The following CERS3 variants were observed in gnomAD, a reference collection of about 807,000 sequenced individuals.
CERS3 encodes ceramide synthase 3, also known as LAG1 homolog, ceramide synthase 3.
Under a neutral mutation model 50.3 loss-of-function variants are expected in CERS3, and 33 were observed. That is an observed-to-expected ratio of 0.66 (90% CI 0.50 to 0.88). CERS3 has a LOEUF of 0.88. Ranked by LOEUF, CERS3 falls within the 40% of genes least tolerant of loss-of-function variation. The pLI, the probability that CERS3 is intolerant of heterozygous loss-of-function variation, is 0.00. For synonymous variants in CERS3, 176 were observed against 155.2 expected, an observed-to-expected ratio of 1.13 and a Z score of -0.99; for missense variants, 470 against 460.3, an observed-to-expected ratio of 1.02 and a Z score of -0.19.
At chr15:100,529,220 T>A (rs2036879779), upstream of CERS3, 1 of 152,236 alleles carries the variant, frequency 6.6e-6, no homozygotes, top group Non-Finnish European at 1.5e-5. Context: ...GGAAAGGGCT[T>A]ATGCGCAGAG....
chr15:100,421,312 A>T (rs527742959), intron 11 of CERS3, among the ~76,000 whole-genome samples: 113 of 150,048 alleles, frequency 7.5e-4, no homozygotes, highest in Non-Finnish European at 1.3e-3. Context: ...GAGCCAAATC[A>T]TGAGTGAACT....
intron 1 of CERS3, among the ~76,000 whole-genome samples, chr15:100,526,250 T>C (rs2142398927): frequency 6.6e-6 from 1 of 152,386 alleles, no homozygotes; most frequent in South Asian, 2.1e-4. Context: ...GGTCAATCTT[T>C]GCATCGCATC....
chr15:100,444,219 C>G (rs1190855545), intron 11 of CERS3, among the ~76,000 whole-genome samples: 3 of 152,190 alleles, frequency 2.0e-5, no homozygotes, highest in Non-Finnish European at 4.4e-5. Context: ...TCACTCTCTA[C>G]AGCTCTCATA....
chr15:100,489,892 G>A (rs1187739037), intron 4 of CERS3, among the ~76,000 whole-genome samples: 1 of 152,194 alleles, frequency 6.6e-6, no homozygotes, highest in Non-Finnish European at 1.5e-5. Context: ...ACGCGAGGTG[G>A]TCAAACCTCA....
chr15:100,496,908 C>A (rs1261908654), intron 3 of CERS3, among the ~76,000 whole-genome samples: 1 of 152,108 alleles, frequency 6.6e-6, no homozygotes, highest in Non-Finnish European at 1.5e-5. Context: ...AAATGTATGT[C>A]AGTCCAACTT....
At chr15:100,507,093 A>G (rs73473886) in intron 2 of CERS3, among the ~76,000 whole-genome samples, 60 of 152,252 alleles carry the variant, frequency 3.9e-4, no homozygotes, top group African/African-American at 1.4e-3. Context: ...TTACCTCCCA[A>G]ATTCTCCTGA....
At chr15:100,423,473 A>G (rs916997637) in intron 11 of CERS3, among the ~76,000 whole-genome samples, 1 of 152,206 alleles carries the variant, frequency 6.6e-6, no homozygotes, top group Non-Finnish European at 1.5e-5. Context: ...TTGGAACAAC[A>G]TGGATGCAGC....
intron 10 of CERS3, among the ~76,000 whole-genome samples, chr15:100,466,668 C>T (rs2034727231): frequency 6.6e-6 from 1 of 151,978 alleles, no homozygotes; most frequent in South Asian, 2.1e-4. Flanking sequence ...GCGGACAGCC[C>T]CCAGCTGAAG....
At position 100,480,087 on chromosome 15, in the gene CERS3, A is replaced by T. The variant is rs2035252911; in HGVS notation, c.408-41T>A. 4.1e-6 allele frequency: 6 copies of T among 1,448,888 alleles called. No homozygotes were observed. In the East Asian group the frequency reaches 1.4e-4, roughly 33 times the overall value. The allele number at this position is 1,448,888 out of a possible 1,614,324, so 89.8% of individuals were successfully genotyped here. On this transcript the variant is annotated intron_variant, in intron 5 of 11. Transcript: ENST00000679737. ...AAAATCTTTACTCCCTTGTAAAGGT[A>T]ACTGAGATTTGAGGAGAAAATGATT...
intron 10 of CERS3, among the ~76,000 whole-genome samples, chr15:100,467,837 G>GTGTATATA (rs1320355108): frequency 8.3e-4 from 47 of 56,386 alleles, no homozygotes; most frequent in African/African-American, 2.4e-3. Flanking sequence ...ATATATACGT[G>GTGTATATA]TATATATATA....
At chr15:100,443,986 A>C (rs972380580) in intron 11 of CERS3, among the ~76,000 whole-genome samples, 2 of 152,092 alleles carry the variant, frequency 1.3e-5, no homozygotes, top group African/African-American at 4.8e-5. Context: ...GACTGCCCCC[A>C]TTCTAGCTCT....
upstream of CERS3, among the ~76,000 whole-genome samples, chr15:100,532,047 G>A (rs937824209): frequency 1.3e-5 from 2 of 150,592 alleles, no homozygotes; most frequent in Non-Finnish European, 3.0e-5. Flanking sequence ...GTTCTGGAGA[G>A]CCACTTAGGA....
intron 3 of CERS3, among the ~76,000 whole-genome samples, chr15:100,494,541 C>T (rs898679130): frequency 6.6e-6 from 1 of 152,100 alleles, no homozygotes; most frequent in African/African-American, 2.4e-5. Context: ...GGCTTAGTCA[C>T]CTTTTTTGAA....
intron 11 of CERS3, among the ~76,000 whole-genome samples, chr15:100,444,834 C>T (rs10794480): frequency 0.95 from 145,024 of 152,202 alleles, 69,497 homozygotes; most frequent in East Asian, 1. Context: ...AAGAAGGCCA[C>T]CATGGTCATT....
chr15:100,486,538 C>A (rs919936196), intron 4 of CERS3, among the ~76,000 whole-genome samples: 1 of 152,326 alleles, frequency 6.6e-6, no homozygotes, highest in East Asian at 1.9e-4. Context: ...AGAAAGGAAA[C>A]CATGGACTAC....
At chr15:100,445,272 A>T (rs569612485) in intron 11 of CERS3, among the ~76,000 whole-genome samples, 1 of 124,142 alleles carries the variant, frequency 8.1e-6, no homozygotes, top group African/African-American at 3.0e-5. Flanking sequence ...ACTCCTATTC[A>T]CCATTCTCAA....
At chr15:100,528,388 C>T (rs575169793) in intron 1 of CERS3, among the ~76,000 whole-genome samples, 2 of 152,304 alleles carry the variant, frequency 1.3e-5, no homozygotes, top group South Asian at 4.1e-4. Context: ...GTGCTGACCC[C>T]TTTCATTCCA....
intron 11 of CERS3, among the ~76,000 whole-genome samples, chr15:100,420,300 C>T (rs897631632): frequency 1.3e-5 from 2 of 150,662 alleles, no homozygotes; most frequent in Non-Finnish European, 3.0e-5. Context: ...ATACTACAAA[C>T]ACCTCTACGC....
intron 11 of CERS3, among the ~76,000 whole-genome samples, chr15:100,420,014 T>C (rs2032287787): frequency 7.1e-6 from 1 of 141,062 alleles, no homozygotes; most frequent in South Asian, 2.4e-4. Context: ...ACATCACAAT[T>C]AAAAGAACTA....
Sources: gnomAD v4.1 joint callset for allele counts (sites outside exome capture counted in the v4.1 genomes callset) on GRCh38, gnomAD v4.1.1 for gene constraint, MANE v1.5 for transcripts, NCBI Gene and HGNC (gene_info 2026-07-23, HGNC 2026-07-21) for gene names.